Variants in PPP2R2A observed in about 807,000 individuals in gnomAD.
PPP2R2A encodes protein phosphatase 2 regulatory subunit Balpha.
In PPP2R2A, 9 loss-of-function variants were observed where a neutral mutation model predicts 53.2. The ratio of observed to expected loss-of-function variants is 0.17; its 90% CI spans 0.10 to 0.30. PPP2R2A has a LOEUF of 0.30. PPP2R2A is among the 10% of genes least tolerant of loss of function. The pLI, the probability that PPP2R2A is intolerant of heterozygous loss-of-function variation, is 1.00. For missense variants in PPP2R2A, 235 were observed against 534.6 expected (o/e 0.44, Z 5.53); for synonymous variants, 169 against 174.2 (o/e 0.97, Z 0.23).
At chr8:26,316,090 C>T (rs555511969) in intron 2 of PPP2R2A, among the ~76,000 whole-genome samples, 28 of 151,802 alleles carry the variant, frequency 1.8e-4, no homozygotes, top group Non-Finnish European at 3.1e-4. Flanking sequence ...CTGCAGCCTC[C>T]GCCTCCTGGG....
chr8:26,363,350 G>C (rs1805214309), intron 7 of PPP2R2A: 1 of 175,172 alleles, frequency 5.7e-6, no homozygotes, highest in Non-Finnish European at 1.2e-5. Flanking sequence ...ATAAGATCCT[G>C]GTATGAATTT....
intron 3 of PPP2R2A, among the ~76,000 whole-genome samples, chr8:26,350,897 A>T (rs566431984): frequency 6.6e-5 from 10 of 152,214 alleles, no homozygotes; most frequent in Non-Finnish European, 8.8e-5. Context: ...CACGCCTGTA[A>T]TCCTAGCACT....
chr8:26,335,399 C>T (rs977235713), intron 2 of PPP2R2A, among the ~76,000 whole-genome samples: 2 of 152,044 alleles, frequency 1.3e-5, no homozygotes, highest in Non-Finnish European at 2.9e-5. Flanking sequence ...AACACCATGA[C>T]GTAGTGATAT....
At chr8:26,366,280 A>C in intron 8 of PPP2R2A, 35 bp from the exon 9 acceptor site, 1 of 1,522,330 alleles carries the variant, frequency 6.6e-7, no homozygotes, top group Middle Eastern at 1.7e-4. Flanking sequence ...TCATTTTCCT[A>C]ATTTCAGTGC....
Position 26,362,811 on chromosome 8 carries a change from C to T in PPP2R2A, c.765C>T (p.Asp255=), listed in dbSNP as rs1805178157. ...SSSKGTIRLC[D]MRASALCDRH... ...GTAAAGGAACTATTCGGCTATGTGA[C>T]ATGAGGGCATCTGCCCTCTGTGATA... The change falls in exon 7 of 10, where the codon GAC becomes GAT. Residue 255 remains aspartate, a synonymous_variant. Coordinates refer to ENST00000380737, the MANE Select transcript of PPP2R2A (RefSeq NM_002717.4). The surrounding 1 kb of genome is among the most constrained non-coding windows in gnomAD (Gnocchi z 4.4). The T allele has an allele frequency of 6.2e-7, 1 of 1,613,984 alleles. No homozygotes were observed. The highest frequency in any genetic ancestry group is 8.5e-7 in the Non-Finnish European group (1 of 1,179,922).
intron 1 of PPP2R2A, 112 bp downstream of exon 1, chr8:26,291,938 G>C: frequency 7.5e-7 from 1 of 1,340,234 alleles, no homozygotes; most frequent in Middle Eastern, 1.9e-4. Context: ...GCGCCCCTCG[G>C]GTTTGAGGGA....
intron 2 of PPP2R2A, among the ~76,000 whole-genome samples, chr8:26,322,477 A>G (rs554566875): frequency 6.6e-6 from 1 of 152,198 alleles, no homozygotes; most frequent in South Asian, 2.1e-4. Flanking sequence ...TGAGGAAAAA[A>G]CTATGATAAA....
intron 2 of PPP2R2A, among the ~76,000 whole-genome samples, chr8:26,305,345 C>G (rs903776173): frequency 6.6e-6 from 1 of 152,068 alleles, no homozygotes; most frequent in Non-Finnish European, 1.5e-5. Flanking sequence ...TTTTAACTCT[C>G]GAGCTCCTAG....
At chr8:26,329,589 G>T (rs1186751873) in intron 2 of PPP2R2A, among the ~76,000 whole-genome samples, 1 of 152,106 alleles carries the variant, frequency 6.6e-6, no homozygotes, top group East Asian at 1.9e-4. Flanking sequence ...TTAGGCATGG[G>T]TCAAGTATGC....
At chr8:26,363,446 G>GTGC (rs1805219018) in intron 7 of PPP2R2A, 1 of 267,384 alleles carries the variant, frequency 3.7e-6, no homozygotes, top group Admixed American at 5.1e-5. Context: ...AATAAACCTG[G>GTGC]TGCACTGAAG....
At chr8:26,327,754 A>G (rs2117288295) in intron 2 of PPP2R2A, among the ~76,000 whole-genome samples, 1 of 152,340 alleles carries the variant, frequency 6.6e-6, no homozygotes, top group African/African-American at 2.4e-5. Flanking sequence ...GGTGCCTTTG[A>G]AAAGAAATTT....
chr8:26,355,352 A>C (rs1376499272), intron 4 of PPP2R2A, among the ~76,000 whole-genome samples: 1 of 152,034 alleles, frequency 6.6e-6, no homozygotes, highest in Non-Finnish European at 1.5e-5. Flanking sequence ...CGACCTCCCT[A>C]CCTCAGTCTC....
chr8:26,319,147 A>G (rs545178226), intron 2 of PPP2R2A, among the ~76,000 whole-genome samples: 1 of 152,132 alleles, frequency 6.6e-6, no homozygotes, highest in Non-Finnish European at 1.5e-5. Context: ...GTATGTCAGA[A>G]TTTTCTTTCT....
chr8:26,339,696 C>T (rs959273636), intron 3 of PPP2R2A, among the ~76,000 whole-genome samples: 1 of 152,044 alleles, frequency 6.6e-6, no homozygotes, highest in Non-Finnish European at 1.5e-5. Context: ...ATTTGTAGAT[C>T]AGAGTTTAAC....
rs1466558086 is a variant in PPP2R2A at position 26,354,328 on chromosome 8, A to G, written c.181-140A>G. 10 of 601,814 alleles carry G rather than the reference A, an allele frequency of 1.7e-5. No homozygotes were observed. The highest frequency in any genetic ancestry group is 2.2e-5 in the Non-Finnish European group (9 of 401,838). 37.3% of individuals were successfully genotyped at this position (601,814 alleles called of 1,614,324 possible). ...TTAATCCTTGAAGGCCTTTAGAAATATAAAAAACAGAATGTAATTGTATAA... is the reference window on the plus strand; with the variant it reads ...TTAATCCTTGAAGGCCTTTAGAAATGTAAAAAACAGAATGTAATTGTATAA... On this transcript the variant is annotated intron_variant, in intron 3 of 9. Transcript: ENST00000380737. The surrounding 1 kb of genome is among the most constrained non-coding windows in gnomAD (Gnocchi z 4.6).
chr8:26,311,985 C>G (rs1043875808), intron 2 of PPP2R2A, among the ~76,000 whole-genome samples: 6 of 151,974 alleles, frequency 3.9e-5, no homozygotes, highest in African/African-American at 1.5e-4. Context: ...TATTGGCTCC[C>G]CTTGCTACCT....
At chr8:26,327,729 T>C (rs1424001556) in intron 2 of PPP2R2A, among the ~76,000 whole-genome samples, 3 of 152,194 alleles carry the variant, frequency 2.0e-5, no homozygotes, top group East Asian at 1.9e-4. Context: ...TGTTCTCTTA[T>C]ATTGGGAAGA....
At chr8:26,332,314 T>TA (rs1803423847) in intron 2 of PPP2R2A, among the ~76,000 whole-genome samples, 1 of 147,582 alleles carries the variant, frequency 6.8e-6, no homozygotes, top group South Asian at 2.1e-4. Context: ...TGAGCTGAGA[T>TA]CATGCCACTG....
chr8:26,349,384 G>A (rs925598889), intron 3 of PPP2R2A, among the ~76,000 whole-genome samples: 1 of 152,178 alleles, frequency 6.6e-6, no homozygotes, highest in Non-Finnish European at 1.5e-5. Context: ...CGAAGAGACT[G>A]TTGGAACCAT....
Sources: gnomAD v4.1 joint callset for allele counts (sites outside exome capture counted in the v4.1 genomes callset) on GRCh38, gnomAD v4.1.1 for gene constraint, Gnocchi (gnomAD v3.1) non-coding constraint, MANE v1.5 for transcripts, NCBI Gene and HGNC (gene_info 2026-07-23, HGNC 2026-07-21) for gene names.